The following PDE8B variants were observed in gnomAD, a reference collection of about 807,000 sequenced individuals.
PDE8B encodes the protein high affinity cAMP-specific and IBMX-insensitive 3',5'-cyclic phosphodiesterase 8B.
In PDE8B, 26 loss-of-function variants were observed where a neutral mutation model predicts 101.3. That is an observed-to-expected ratio of 0.26 (90% CI 0.19 to 0.36). The LOEUF (loss-of-function observed/expected upper bound fraction) is 0.36. PDE8B is among the 10% of genes least tolerant of loss of function. The probability of loss-of-function intolerance (pLI) is 1.00; values close to 1 mark genes in which losing one functional copy is unlikely to be tolerated. For missense variants in PDE8B, 810 were observed against 1,163.1 expected (o/e 0.70, Z 4.42); for synonymous variants, 424 against 429.3 (o/e 0.99, Z 0.15).
At chr5:77,253,937 C>T (rs1758591489) in intron 1 of PDE8B, among the ~76,000 whole-genome samples, 1 of 151,460 alleles carries the variant, frequency 6.6e-6, no homozygotes, top group African/African-American at 2.4e-5. Context: ...AAATATGTAA[C>T]TATATTTTAT....
intron 1 of PDE8B, among the ~76,000 whole-genome samples, chr5:77,250,207 A>G (rs185453506): frequency 1.3e-5 from 2 of 152,248 alleles, no homozygotes; most frequent in African/African-American, 2.4e-5. Context: ...CTTCACAGCA[A>G]CTCTGTGAGG....
chr5:77,194,931 T>C, the PDE8B span, among the ~76,000 whole-genome samples: 1 of 152,236 alleles, frequency 6.6e-6, no homozygotes, highest in African/African-American at 2.4e-5. Flanking sequence ...TGAATACCTG[T>C]TGTCAGTTCT....
At chr5:77,387,436 C>T (rs7730446) in intron 10 of PDE8B, among the ~76,000 whole-genome samples, 152,325 of 152,344 alleles carry the variant, frequency 1, 76,153 homozygotes, top group Middle Eastern at 1. Context: ...AGATATCTGC[C>T]GTTACTCTAA....
At chr5:77,168,452 G>C in the PDE8B span, among the ~76,000 whole-genome samples, 3 of 152,246 alleles carry the variant, frequency 2.0e-5, no homozygotes, top group African/African-American at 7.2e-5. Flanking sequence ...CCCTGACCCA[G>C]AACTGCCTGT....
chr5:77,190,827 A>G, the PDE8B span, among the ~76,000 whole-genome samples: 1 of 152,246 alleles, frequency 6.6e-6, no homozygotes, highest in African/African-American at 2.4e-5. Context: ...TTGGCTGAAG[A>G]CAAAGTAGGC....
the PDE8B span, among the ~76,000 whole-genome samples, chr5:77,159,245 T>C: frequency 3.9e-5 from 6 of 152,194 alleles, no homozygotes; most frequent in African/African-American, 1.4e-4. Context: ...GATTGAAGGA[T>C]ACAAGTATTG....
chr5:77,112,279 T>TA, the PDE8B span: 1 of 152,188 alleles, frequency 6.6e-6, no homozygotes, highest in Admixed American at 6.5e-5. Context: ...GATCCAAAAT[T>TA]AAATAATGCT....
At chr5:77,221,515 A>G (rs1218067417) in intron 1 of PDE8B, among the ~76,000 whole-genome samples, 1 of 152,086 alleles carries the variant, frequency 6.6e-6, no homozygotes, top group Non-Finnish European at 1.5e-5. Context: ...GGAGTATGCG[A>G]AGTTTTGTAG....
the PDE8B span, among the ~76,000 whole-genome samples, chr5:77,091,149 C>T: frequency 6.6e-6 from 1 of 152,126 alleles, no homozygotes; most frequent in Non-Finnish European, 1.5e-5. Context: ...TGCAATTTCT[C>T]TGCTAATTAG....
intron 6 of PDE8B, 35 bp from the exon 7 acceptor site, chr5:77,344,818 T>C (rs1410796554): frequency 8.4e-6 from 11 of 1,303,968 alleles, no homozygotes; most frequent in African/African-American, 7.2e-5. Context: ...ATGGTTTTCA[T>C]AGAAGAACTA....
chr5:77,386,105 C>T (rs926092989), intron 10 of PDE8B, among the ~76,000 whole-genome samples: 68 of 152,240 alleles, frequency 4.5e-4, no homozygotes, highest in African/African-American at 1.6e-3. Context: ...GTTTCTTAAT[C>T]CTGAGTTCTA....
Position 77,210,845 on chromosome 5 carries a change from C to G in PDE8B, c.-81C>G, listed in dbSNP as rs1748116122. 2 of 1,070,200 alleles carry G rather than the reference C, an allele frequency of 1.9e-6. No homozygotes were observed. The highest frequency in any genetic ancestry group is 5.4e-5 in the Admixed American group (1 of 18,416). The allele number at this position is 1,070,200 out of a possible 1,614,324, so 66.3% of individuals were successfully genotyped here. ...AGTCCGGGCGCCGCCGCGGCCGCCC[C>G]CTCACTGCAGGTGGCAGCGGGTGCG... On this transcript the variant is annotated 5_prime_UTR_variant, in exon 1 of 22. Coordinates refer to ENST00000264917, the MANE Select transcript of PDE8B (RefSeq NM_003719.5). This position sits in a 1 kb window ranked among gnomAD's most constrained non-coding sequence, Gnocchi z 4.9.
chr5:77,180,787 GC>G, the PDE8B span, among the ~76,000 whole-genome samples: 3 of 152,228 alleles, frequency 2.0e-5, no homozygotes, highest in African/African-American at 7.2e-5. Context: ...CTCAGCAGGA[GC>G]TGGACCTGTT....
At chr5:77,202,749 A>C in the PDE8B span, among the ~76,000 whole-genome samples, 1 of 151,690 alleles carries the variant, frequency 6.6e-6, no homozygotes, top group African/African-American at 2.4e-5. Flanking sequence ...TCTCCTGTGT[A>C]GCTGGGACTA....
chr5:77,298,123 A>T (rs1266722104), intron 1 of PDE8B, among the ~76,000 whole-genome samples: 1 of 152,210 alleles, frequency 6.6e-6, no homozygotes, highest in Non-Finnish European at 1.5e-5. Context: ...ACTCTTGAGT[A>T]TAACTATCTC....
chr5:77,280,633 C>A (rs1358550178), intron 1 of PDE8B, among the ~76,000 whole-genome samples: 1 of 152,136 alleles, frequency 6.6e-6, no homozygotes, highest in African/African-American at 2.4e-5. Flanking sequence ...CGGTGGCTCA[C>A]GCCTGTAATC....
chr5:77,347,016 T>C (rs1373592036), intron 7 of PDE8B, among the ~76,000 whole-genome samples: 1 of 152,206 alleles, frequency 6.6e-6, no homozygotes, highest in Non-Finnish European at 1.5e-5. Flanking sequence ...ACTTAAAATT[T>C]AGAAGCAATA....
chr5:77,267,457 G>C (rs1483130180), intron 1 of PDE8B, among the ~76,000 whole-genome samples: 2 of 149,128 alleles, frequency 1.3e-5, no homozygotes, highest in African/African-American at 5.1e-5. Context: ...AAAAAAAAAG[G>C]GTGGAAAACA....
At chr5:77,385,614 G>A (rs1029384115) in intron 10 of PDE8B, among the ~76,000 whole-genome samples, 1 of 151,836 alleles carries the variant, frequency 6.6e-6, no homozygotes, top group Non-Finnish European at 1.5e-5. Context: ...GCATTTAGTG[G>A]TATAAATTTC....
Sources: gnomAD v4.1 joint callset for allele counts (sites outside exome capture counted in the v4.1 genomes callset) on GRCh38, gnomAD v4.1.1 for gene constraint, Gnocchi (gnomAD v3.1) non-coding constraint, MANE v1.5 for transcripts, NCBI Gene and HGNC (gene_info 2026-07-23, HGNC 2026-07-21) for gene names.